Variants in GPHN observed in about 807,000 individuals in gnomAD.
GPHN encodes the protein gephyrin.
GPHN carries 17 observed loss-of-function variants against 95.5 expected under a neutral mutation model. That is an observed-to-expected ratio of 0.18 (90% CI 0.12 to 0.27). The LOEUF (loss-of-function observed/expected upper bound fraction) is 0.27. Ranked by LOEUF, GPHN falls within the 10% of genes least tolerant of loss-of-function variation. The probability of loss-of-function intolerance (pLI) is 1.00; values close to 1 mark genes in which losing one functional copy is unlikely to be tolerated. For missense variants in GPHN, 660 were observed against 978.1 expected (o/e 0.67, Z 4.34); for synonymous variants, 320 against 322.5 (o/e 0.99, Z 0.08).
the GPHN span, among the ~76,000 whole-genome samples, chr14:67,696,773 G>A: frequency 6.6e-6 from 1 of 152,182 alleles, no homozygotes; most frequent in Admixed American, 6.5e-5. Flanking sequence ...AGTGGAGGGT[G>A]TTTTAACCAA....
the GPHN span, among the ~76,000 whole-genome samples, chr14:67,367,497 G>T: frequency 2.6e-5 from 4 of 152,160 alleles, no homozygotes; most frequent in African/African-American, 9.6e-5. Flanking sequence ...CCAAAGTGCT[G>T]GGATTACAGG....
chr14:66,865,460 T>C (rs2063188762), intron 4 of GPHN, among the ~76,000 whole-genome samples: 1 of 152,136 alleles, frequency 6.6e-6, no homozygotes, highest in Admixed American at 6.5e-5. Flanking sequence ...TGATAGTCTC[T>C]GGGCAATTTG....
chr14:67,682,104 C>T, the GPHN span, among the ~76,000 whole-genome samples: 1 of 152,098 alleles, frequency 6.6e-6, no homozygotes, highest in African/African-American at 2.4e-5. Context: ...CCTCCGGAAC[C>T]ATGAGCTAAG....
At chr14:66,533,730 A>G (rs2059028346) in intron 1 of GPHN, among the ~76,000 whole-genome samples, 1 of 152,252 alleles carries the variant, frequency 6.6e-6, no homozygotes, top group Admixed American at 6.5e-5. Flanking sequence ...CATTCAGGAT[A>G]AATGGCAGCA....
chr14:67,691,016 T>C, the GPHN span: 6 of 711,730 alleles, frequency 8.4e-6, no homozygotes, highest in Non-Finnish European at 1.3e-5. Context: ...CAAACTATTA[T>C]GCACACATGG....
chr14:67,493,371 C>T, the GPHN span, among the ~76,000 whole-genome samples: 7 of 152,132 alleles, frequency 4.6e-5, no homozygotes, highest in Non-Finnish European at 8.8e-5. Flanking sequence ...AGTAGCCAAT[C>T]GGAATTAGTT....
At chr14:67,229,456 G>A in the GPHN span, among the ~76,000 whole-genome samples, 1 of 152,162 alleles carries the variant, frequency 6.6e-6, no homozygotes. Flanking sequence ...TAGTGTGACT[G>A]AGAAGCTGAA....
chr14:67,092,328 T>C (rs186440765), intron 12 of GPHN, among the ~76,000 whole-genome samples: 288 of 152,242 alleles, frequency 1.9e-3, no homozygotes, highest in Non-Finnish European at 3.4e-3. Flanking sequence ...AGGCCAATTA[T>C]TGTGGCTAAG....
At chr14:67,143,922 T>TA (rs1409626716) in intron 18 of GPHN, among the ~76,000 whole-genome samples, 1 of 151,594 alleles carries the variant, frequency 6.6e-6, no homozygotes, top group Admixed American at 6.6e-5. Context: ...TGCTCCTCCT[T>TA]ACAAAATAAT....
chr14:67,541,700 T>G, the GPHN span: 2 of 570,018 alleles, frequency 3.5e-6, no homozygotes, highest in Non-Finnish European at 5.9e-6. Context: ...CAGTGACCAA[T>G]TCTCTTCCCC....
At chr14:67,733,780 C>G in the GPHN span, 2 of 1,613,178 alleles carry the variant, frequency 1.2e-6, no homozygotes, top group African/African-American at 1.3e-5. Flanking sequence ...TCCAAGGGCC[C>G]GAAATAACAA....
the GPHN span, among the ~76,000 whole-genome samples, chr14:67,567,192 CCTCT>C: frequency 2.6e-5 from 4 of 152,150 alleles, no homozygotes; most frequent in Admixed American, 6.5e-5. Context: ...AGAAGCCCAG[CCTCT>C]CTCTCTCCCA....
intron 2 of GPHN, among the ~76,000 whole-genome samples, chr14:66,749,017 T>C (rs2058267433): frequency 6.6e-6 from 1 of 151,946 alleles, no homozygotes; most frequent in Admixed American, 6.6e-5. Context: ...TTCATCCCTT[T>C]CTCCTCACAA....
intron 1 of GPHN, among the ~76,000 whole-genome samples, chr14:66,596,488 C>T (rs982541242): frequency 1.3e-5 from 2 of 152,200 alleles, no homozygotes; most frequent in Non-Finnish European, 2.9e-5. Flanking sequence ...TCTTAGCCCC[C>T]TGTCAGCCTT....
At chr14:67,511,797 G>A in the GPHN span, among the ~76,000 whole-genome samples, 1 of 152,332 alleles carries the variant, frequency 6.6e-6, no homozygotes, top group African/African-American at 2.4e-5. Context: ...AGCCTCACAG[G>A]GGAGGAGAGC....
At chr14:67,051,101 G>A (rs1372854870) in intron 10 of GPHN, among the ~76,000 whole-genome samples, 4 of 152,212 alleles carry the variant, frequency 2.6e-5, no homozygotes, top group South Asian at 2.1e-4. Context: ...GGGAGGGGGC[G>A]GCTGCCATCA....
At chr14:66,943,282 T>C (rs1418864111) in intron 8 of GPHN, among the ~76,000 whole-genome samples, 1 of 152,258 alleles carries the variant, frequency 6.6e-6, no homozygotes, top group African/African-American at 2.4e-5. Flanking sequence ...CATGTAAATT[T>C]ATTTCCAGTA....
chr14:67,641,399 T>C, the GPHN span, among the ~76,000 whole-genome samples: 7 of 152,238 alleles, frequency 4.6e-5, no homozygotes, highest in Non-Finnish European at 1.5e-5. Flanking sequence ...TGGAGCCAGA[T>C]GGCCTAGATT....
the GPHN span, chr14:67,729,602 C>T: frequency 9.5e-6 from 6 of 632,390 alleles, no homozygotes; most frequent in Middle Eastern, 3.0e-4. Flanking sequence ...ACTCGTGTGC[C>T]GCTTTTCCAT....
Sources: gnomAD v4.1 joint callset for allele counts (sites outside exome capture counted in the v4.1 genomes callset) on GRCh38, gnomAD v4.1.1 for gene constraint, MANE v1.5 for transcripts, NCBI Gene and HGNC (gene_info 2026-07-23, HGNC 2026-07-21) for gene names.